The following GNL2 variants were observed in gnomAD, a reference collection of about 807,000 sequenced individuals.
GNL2 encodes the protein nucleolar GTP-binding protein 2.
GNL2 carries 51 observed loss-of-function variants against 92.3 expected under a neutral mutation model. The observed-to-expected ratio is 0.55, with a 90% CI of 0.44 to 0.70. GNL2 has a LOEUF of 0.70. GNL2 is among the 30% of genes least tolerant of loss of function. The probability of loss-of-function intolerance (pLI) is 0.00; values close to 1 mark genes in which losing one functional copy is unlikely to be tolerated. For missense variants in GNL2, 844 were observed against 895.6 expected, an observed-to-expected ratio of 0.94 and a Z score of 0.74; for synonymous variants, 283 against 300.6, an observed-to-expected ratio of 0.94 and a Z score of 0.61.
At chr1:37,578,168 G>C (rs888696749) in intron 8 of GNL2, among the ~76,000 whole-genome samples, 1 of 152,212 alleles carries the variant, frequency 6.6e-6, no homozygotes, top group Non-Finnish European at 1.5e-5. Flanking sequence ...GTCAGGCACA[G>C]TGGCTCATGC....
At chr1:37,588,681 A>G (rs911067044) in intron 4 of GNL2, among the ~76,000 whole-genome samples, 2 of 152,212 alleles carry the variant, frequency 1.3e-5, no homozygotes, top group Non-Finnish European at 2.9e-5. Context: ...AGTAATATAC[A>G]GTATATAAAG....
At chr1:37,567,833 C>A (rs1643530959) in intron 14 of GNL2, 69 bp from the exon 15 acceptor site, 4 of 1,197,178 alleles carry the variant, frequency 3.3e-6, no homozygotes, top group Admixed American at 3.4e-5. Flanking sequence ...ACGGTGGGAA[C>A]AAGCTTGATG....
chr1:37,568,678 G>A (rs1459967570), intron 13 of GNL2, among the ~76,000 whole-genome samples, 173 bp downstream of exon 13: 1 of 152,176 alleles, frequency 6.6e-6, no homozygotes, highest in African/African-American at 2.4e-5. Context: ...CCAGGAGAGT[G>A]AGGCCAGTCT....
intron 6 of GNL2, 159 bp from the exon 7 acceptor site, chr1:37,583,095 C>G: frequency 4.4e-6 from 2 of 451,268 alleles, no homozygotes; most frequent in South Asian, 5.3e-5. Flanking sequence ...GCCCAGTGAT[C>G]AGAATTCAAA....
At chr1:37,573,837 G>A (rs1197781046) in intron 12 of GNL2, among the ~76,000 whole-genome samples, 1 of 152,156 alleles carries the variant, frequency 6.6e-6, no homozygotes, top group East Asian at 1.9e-4. Context: ...AATGAGAGAG[G>A]GTGGAGTGAT....
rs1476907303 is a variant in GNL2, at chr1:37,574,668, T to C, written c.1299A>G (p.Leu433=). Reference sequence around the variant, plus strand: ...ATTCTCACAAACGCCGGGTCACCTTTAGTAACTTCCCAGTCCGGAAAGCGA... The same window carrying C: ...ATTCTCACAAACGCCGGGTCACCTTCAGTAACTTCCCAGTCCGGAAAGCGA... ...EKLAFRTGKL[L]KGGEPDLQTV... is the part of the protein sequence containing the mutation. The change falls in exon 11 of 16, where the codon CTA becomes CTG. Residue 433 remains leucine (L), a synonymous_variant. Transcript: ENST00000373062. 3.1e-6 allele frequency: 5 copies of C among 1,613,698 alleles called. No individual in the cohort carries two copies. Among genetic ancestry groups the C allele is most frequent in the South Asian group, 1.1e-5 (1 of 91,054 alleles).
intron 8 of GNL2, chr1:37,581,563 GCAACACTGGT>G: frequency 4.4e-6 from 2 of 455,876 alleles, no homozygotes; most frequent in Non-Finnish European, 8.8e-6. Context: ...AGAAATGGAA[GCAACACTGGT>G]CACGGATGGG....
chr1:37,574,961 A>C (rs1338040584), intron 10 of GNL2, 138 bp from the exon 11 acceptor site: 15 of 646,050 alleles, frequency 2.3e-5, no homozygotes, highest in Non-Finnish European at 3.8e-5. Flanking sequence ...CCTGTCTCTG[A>C]CGGGGCTAGA....
At position 37,575,699 on chromosome 1, in the gene GNL2, C is replaced by T; in HGVS notation, c.1039G>A (p.Val347Ile). 6.3e-7 allele frequency: 1 copy of T among 1,585,882 alleles called. No homozygotes were observed. Among genetic ancestry groups the T allele is most frequent in the Non-Finnish European group, 8.6e-7 (1 of 1,167,348 alleles). Residue 347 changes from valine to isoleucine, a missense_variant and splice_region_variant, in exon 10 of 16, where the codon GTC becomes ATC. Val to Ile is a conservative substitution (Grantham distance 29, BLOSUM62 3). Coordinates refer to ENST00000373062, the MANE Select transcript of GNL2 (RefSeq NM_013285.3). This position sits in a 1 kb window ranked among gnomAD's most constrained non-coding sequence, Gnocchi z 4.1. Reference sequence around the variant, plus strand: ...CGCATCAAAGTAATATACTGCCAGACCTGAAGTCAGAAAAAAGTCAGAGAT... The same window carrying T: ...CGCATCAAAGTAATATACTGCCAGATCTGAAGTCAGAAAAAAGTCAGAGAT... Reference protein sequence around the residue: ...NVAPIAGETKVWQYITLMRRI... With the variant: ...NVAPIAGETKIWQYITLMRRI...
rs114656424 is a variant in GNL2 at position 37,581,048 on chromosome 1, T to C, written c.909+1175A>G. The stretch of plus-strand genomic sequence containing the variant: ...GAATGAATAATACTGTAACCCAACA[T>C]TGGCATCTAACAATACAGGGGGAAG... On this transcript the variant is annotated intron_variant, in intron 8 of 15. Coordinates refer to ENST00000373062, the MANE Select transcript of GNL2 (RefSeq NM_013285.3). Among the ~76,000 whole-genome samples the C allele has an allele frequency of 5.9e-3, 899 of 152,260 alleles. 8 individuals are homozygous for C. The highest frequency in any genetic ancestry group is 0.021 in the African/African-American group (868 of 41,550).
At chr1:37,587,175 G>C (rs1278325118) in intron 5 of GNL2, 136 bp downstream of exon 5, 1 of 618,564 alleles carries the variant, frequency 1.6e-6, no homozygotes, top group East Asian at 2.9e-5. Flanking sequence ...GCTGAGGCAG[G>C]AGAATTGCTT....
intron 5 of GNL2, among the ~76,000 whole-genome samples, chr1:37,586,904 C>A (rs1471628621): frequency 1.3e-5 from 2 of 152,148 alleles, no homozygotes; most frequent in African/African-American, 4.8e-5. Flanking sequence ...GAGCTTCACA[C>A]AGGCAAAATA....
At chr1:37,589,477 T>C (rs1270617082) in intron 4 of GNL2, among the ~76,000 whole-genome samples, 1 of 152,122 alleles carries the variant, frequency 6.6e-6, no homozygotes, top group Non-Finnish European at 1.5e-5. Context: ...GCTAATTTTT[T>C]TTTGTATTTT....
intron 1 of GNL2, among the ~76,000 whole-genome samples, chr1:37,595,380 C>T (rs1430399316): frequency 1.3e-5 from 2 of 152,176 alleles, no homozygotes; most frequent in East Asian, 3.8e-4. Context: ...AAGGTCAAAG[C>T]TAAGGTGGCA....
intron 14 of GNL2, chr1:37,568,014 T>C: frequency 3.4e-6 from 2 of 591,546 alleles, no homozygotes; most frequent in Non-Finnish European, 6.0e-6. Flanking sequence ...CCCCTCTTTG[T>C]CTGTGGACCC....
At chr1:37,582,690 G>C in intron 7 of GNL2, 88 bp downstream of exon 7, 1 of 1,095,696 alleles carries the variant, frequency 9.1e-7, no homozygotes, top group Non-Finnish European at 1.3e-6. Flanking sequence ...TACAATCTCA[G>C]CCGGACAACA....
In GNL2 at chr1:37,587,318, C is replaced by T. The variant is rs746608994; in HGVS notation, c.562G>A (p.Gly188Ser). 4.4e-6 allele frequency: 7 copies of T among 1,583,354 alleles called. 1 individual carries two copies. The Admixed American group carries it at 1.3e-4, about 29-fold the overall frequency. Residue 188 changes from glycine (G) to serine (S), a missense_variant, in exon 5 of 16, where the codon GGT (glycine) becomes AGT (serine). By Grantham distance (56) the Gly-to-Ser change is moderately conservative. Transcript: ENST00000373062. ...GCAAAAAAAAAAATGTACCTCACACCAGTGTCTTCAGTTACCAAATCACGA... is the reference window on the plus strand; with the variant it reads ...GCAAAAAAAAAAATGTACCTCACACTAGTGTCTTCAGTTACCAAATCACGA... ...KDRDLVTEDT[G>S]VRNEAQEEIY...
intron 5 of GNL2, among the ~76,000 whole-genome samples, chr1:37,586,123 A>C (rs1451779868): frequency 6.6e-6 from 1 of 152,146 alleles, no homozygotes; most frequent in Non-Finnish European, 1.5e-5. Context: ...AACAAACAAA[A>C]TACTACTCTG....
chr1:37,581,281 G>A (rs547038158), intron 8 of GNL2: 2 of 448,810 alleles, frequency 4.5e-6, no homozygotes, highest in South Asian at 3.1e-5. Context: ...CAGCAGACAT[G>A]TGTCTTTTGT....
Sources: gnomAD v4.1 joint callset for allele counts (sites outside exome capture counted in the v4.1 genomes callset) on GRCh38, gnomAD v4.1.1 for gene constraint, Gnocchi (gnomAD v3.1) non-coding constraint, MANE v1.5 for transcripts, NCBI Gene and HGNC (gene_info 2026-07-23, HGNC 2026-07-21) for gene names.